ZNF678: variants seen among roughly 807,000 people sequenced by gnomAD.
ZNF678 encodes the protein zinc finger protein 678, also known as hypothetical protein MGC42493.
Under a neutral mutation model 3.0 loss-of-function variants are expected in ZNF678, and 5 were observed. That is an observed-to-expected ratio of 1.69 (90% CI 0.88 to 3.56). The LOEUF (loss-of-function observed/expected upper bound fraction) is 3.56, where lower values mean the gene tolerates loss of function less well. ZNF678 is among the 30% of genes most tolerant of loss of function. The probability of loss-of-function intolerance (pLI) is 0.00; values close to 1 mark genes in which losing one functional copy is unlikely to be tolerated. For synonymous variants in ZNF678, 218 were observed against 199.6 expected, an observed-to-expected ratio of 1.09 and a Z score of -0.78; for missense variants, 593 against 605.0, an observed-to-expected ratio of 0.98 and a Z score of 0.21.
rs939872631 is a variant in ZNF678, at chr1:227,655,228, T to C, written c.978T>C (p.Cys326=). The part of the protein sequence containing the change: ...TGEKPYQCEE[C]GKTFNRCSHL... ...AAAAACCCTACCAATGTGAAGAATG[T>C]GGCAAAACTTTTAATCGGTGTTCAC... The change falls in exon 4 of 4, where the codon TGT becomes TGC. Residue 326 remains cysteine, a synonymous_variant. Transcript: ENST00000343776. 1.2e-6 allele frequency: 2 copies of C among 1,612,640 alleles called. No homozygotes were observed. Among genetic ancestry groups the C allele is most frequent in the Non-Finnish European group, 1.7e-6 (2 of 1,179,432 alleles).
chr1:227,663,718 C>T (rs1415842568), downstream of ZNF678, among the ~76,000 whole-genome samples: 13 of 152,300 alleles, frequency 8.5e-5, no homozygotes, highest in East Asian at 1.9e-4. Context: ...CAGGGATTTG[C>T]GCCTAACCAT....
intron 2 of ZNF678, 64 bp from the exon 3 acceptor site, chr1:227,650,892 T>G (rs1659073598): frequency 7.6e-7 from 1 of 1,314,122 alleles, no homozygotes; most frequent in East Asian, 2.3e-5. Context: ...AGCAGTATTT[T>G]TACTTCTTTC....
intron 1 of ZNF678, among the ~76,000 whole-genome samples, chr1:227,596,129 C>T (rs570112775): frequency 6.1e-4 from 93 of 152,296 alleles, no homozygotes; most frequent in African/African-American, 2.0e-3. Flanking sequence ...AATGCCTACC[C>T]GGGAGCACTC....
At chr1:227,645,042 C>T (rs1430413363) in intron 1 of ZNF678, among the ~76,000 whole-genome samples, 1 of 152,172 alleles carries the variant, frequency 6.6e-6, no homozygotes, top group Admixed American at 6.5e-5. Flanking sequence ...GCCAAAATTG[C>T]TGGCTTCCAT....
chr1:227,608,035 A>G (rs1283813039), intron 1 of ZNF678, among the ~76,000 whole-genome samples: 1 of 151,886 alleles, frequency 6.6e-6, no homozygotes, highest in Non-Finnish European at 1.5e-5. Flanking sequence ...CAGAGTATAC[A>G]GATTATTTTT....
chr1:227,621,441 G>A (rs2102770318), intron 1 of ZNF678, among the ~76,000 whole-genome samples: 1 of 152,266 alleles, frequency 6.6e-6, no homozygotes, highest in South Asian at 2.1e-4. Context: ...TTTGGAGCTG[G>A]CCCGTCTTAC....
At chr1:227,595,531 C>CT (rs1657559745) in intron 1 of ZNF678, among the ~76,000 whole-genome samples, 1 of 152,150 alleles carries the variant, frequency 6.6e-6, no homozygotes, top group African/African-American at 2.4e-5. Flanking sequence ...CCATAGTCTC[C>CT]TTTAAATCCT....
intron 1 of ZNF678, among the ~76,000 whole-genome samples, chr1:227,582,761 T>C (rs1657163420): frequency 6.6e-6 from 1 of 152,232 alleles, no homozygotes; most frequent in Non-Finnish European, 1.5e-5. Context: ...GTGTGTGGCC[T>C]GAGATAAGAA....
At chr1:227,607,350 C>T (rs941634146) in intron 1 of ZNF678, among the ~76,000 whole-genome samples, 2 of 152,096 alleles carry the variant, frequency 1.3e-5, no homozygotes, top group African/African-American at 4.8e-5. Context: ...TAAAACAAGG[C>T]TACAACTTCA....
intron 1 of ZNF678, among the ~76,000 whole-genome samples, chr1:227,619,998 C>T (rs557225083): frequency 6.6e-6 from 1 of 152,120 alleles, no homozygotes; most frequent in Admixed American, 6.5e-5. Flanking sequence ...AAATAAATCA[C>T]AGGTCAGAAC....
chr1:227,627,798 T>C (rs1020236988), intron 1 of ZNF678, among the ~76,000 whole-genome samples: 50 of 152,222 alleles, frequency 3.3e-4, no homozygotes, highest in African/African-American at 1.1e-3. Flanking sequence ...CACTGGCCAC[T>C]GCATACCCCG....
intron 1 of ZNF678, among the ~76,000 whole-genome samples, chr1:227,576,056 C>G (rs1487586929): frequency 6.6e-6 from 1 of 152,058 alleles, no homozygotes; most frequent in East Asian, 1.9e-4. Context: ...TTGTTGATTT[C>G]CATATGTTGA....
chr1:227,610,366 A>G (rs566190815), intron 1 of ZNF678, among the ~76,000 whole-genome samples: 1 of 152,336 alleles, frequency 6.6e-6, no homozygotes, highest in African/African-American at 2.4e-5. Flanking sequence ...TAGTAGTTCA[A>G]TACCTTACTT....
chr1:227,674,713 C>T (rs558102928), intron 5 of ZNF678, among the ~76,000 whole-genome samples: 3 of 151,728 alleles, frequency 2.0e-5, no homozygotes, highest in East Asian at 3.9e-4. Context: ...AGCGATTCTC[C>T]TGCCTCAGCC....
chr1:227,612,536 A>G (rs997782917), intron 1 of ZNF678, among the ~76,000 whole-genome samples: 1 of 152,168 alleles, frequency 6.6e-6, no homozygotes, highest in African/African-American at 2.4e-5. Context: ...CTGCCTCTCA[A>G]TATGACAAGG....
intron 5 of ZNF678, among the ~76,000 whole-genome samples, chr1:227,670,967 AT>A (rs139606967): frequency 0.017 from 2,122 of 128,206 alleles, 19 homozygotes; most frequent in South Asian, 0.029. Context: ...GAGGCCTTTT[AT>A]TTTTTTTTTT....
intron 1 of ZNF678, among the ~76,000 whole-genome samples, chr1:227,572,023 C>T (rs187956397): frequency 1.3e-4 from 20 of 152,184 alleles, no homozygotes; most frequent in African/African-American, 4.8e-4. Flanking sequence ...GCGTGGGCAA[C>T]AGAGCGAGAC....
At chr1:227,611,801 GACCAAGACAC>G (rs1658027625) in intron 1 of ZNF678, among the ~76,000 whole-genome samples, 2 of 152,144 alleles carry the variant, frequency 1.3e-5, no homozygotes, top group South Asian at 4.1e-4. Flanking sequence ...TTCTGTCTGA[GACCAAGACAC>G]TGACAGGATT....
intron 2 of ZNF678, 29 bp downstream of exon 2, chr1:227,646,699 G>A (rs6426468): frequency 0.62 from 839,878 of 1,361,954 alleles, 263,684 homozygotes; most frequent in African/African-American, 0.87. Flanking sequence ...CACAATTTAT[G>A]TATTTCATAC....
Sources: allele counts gnomAD v4.1 joint callset (sites outside exome capture counted in the v4.1 genomes callset), GRCh38; gene constraint gnomAD v4.1.1; transcripts MANE v1.5; gene names NCBI Gene and HGNC (gene_info 2026-07-23, HGNC 2026-07-21).